The following FBXW7 variants were observed in gnomAD, a reference collection of about 807,000 sequenced individuals.
FBXW7 encodes F-box and WD repeat domain containing 7.
Under a neutral mutation model 86.3 loss-of-function variants are expected in FBXW7, and 11 were observed. That is an observed-to-expected ratio of 0.13 (90% CI 0.08 to 0.21). The LOEUF (loss-of-function observed/expected upper bound fraction) is 0.21. Ranked by LOEUF, FBXW7 falls within the 10% of genes least tolerant of loss-of-function variation. The pLI is 1.00. For missense variants in FBXW7, 488 were observed against 847.4 expected, an observed-to-expected ratio of 0.58 and a Z score of 5.27; for synonymous variants, 313 against 297.9, an observed-to-expected ratio of 1.05 and a Z score of -0.52.
intron 4 of FBXW7, among the ~76,000 whole-genome samples, chr4:152,388,136 A>G (rs1163485581): frequency 1.3e-5 from 2 of 152,190 alleles, no homozygotes; most frequent in Non-Finnish European, 2.9e-5. Flanking sequence ...ATGTTCTAAA[A>G]GATATTTATT....
intron 2 of FBXW7, among the ~76,000 whole-genome samples, chr4:152,480,979 G>A (rs1426743271): frequency 6.6e-6 from 1 of 152,196 alleles, no homozygotes; most frequent in Non-Finnish European, 1.5e-5. Flanking sequence ...ACTGATGAAG[G>A]TGGCTACACT....
intron 2 of FBXW7, among the ~76,000 whole-genome samples, chr4:152,521,541 C>A (rs2149731324): frequency 6.6e-6 from 1 of 152,260 alleles, no homozygotes; most frequent in South Asian, 2.1e-4. Flanking sequence ...GATATGACTT[C>A]CCAATTCTTC....
intron 2 of FBXW7, among the ~76,000 whole-genome samples, chr4:152,437,762 C>A (rs77482721): frequency 6.6e-6 from 1 of 152,222 alleles, no homozygotes; most frequent in Admixed American, 6.5e-5. Flanking sequence ...CACAGCCATT[C>A]CAACCCTCAG....
intron 4 of FBXW7, among the ~76,000 whole-genome samples, chr4:152,410,267 C>A (rs1737823118): frequency 6.6e-6 from 1 of 152,204 alleles, no homozygotes; most frequent in Non-Finnish European, 1.5e-5. Context: ...ATATAGCAAC[C>A]TTGAAGAAGA....
In FBXW7 at chr4:152,479,978, G is replaced by A. The variant is rs554010462; in HGVS notation, c.-120+54963C>T. 2.6e-5 allele frequency among the ~76,000 whole-genome samples: 4 copies of A among 152,228 alleles called. No individual in the cohort carries two copies. The East Asian group carries it at 7.7e-4, about 29-fold the overall frequency. ...AACACTGCTACTACAATTCTCTAAA[G>A]GAGGGCCTTCCTTTTCTTCTTATCT... On this transcript the variant is annotated intron_variant, in intron 2 of 13. Transcript: ENST00000281708.
At chr4:152,516,575 A>C (rs534324503) in intron 2 of FBXW7, among the ~76,000 whole-genome samples, 1 of 152,340 alleles carries the variant, frequency 6.6e-6, no homozygotes, top group African/African-American at 2.4e-5. Flanking sequence ...TTTAGATTTG[A>C]GGAAACATGG....
chr4:152,322,391 CT>C lies in FBXW7; in HGVS notation c.*489del, dbSNP rs1321135810. ...AACAATTCACAGTAATTTTTTTAAG[CT>C]TTTCCACTCCAGAAAAATGACTTTT... On this transcript the variant is annotated 3_prime_UTR_variant, in exon 14 of 14. Transcript: ENST00000281708. 4.5e-6 allele frequency: 1 copy of C among 221,700 alleles called. No individual in the cohort carries two copies. The highest frequency in any genetic ancestry group is 8.9e-6 in the Non-Finnish European group (1 of 112,168). 13.7% of individuals were successfully genotyped at this position (221,700 alleles called of 1,614,324 possible).
intron 2 of FBXW7, among the ~76,000 whole-genome samples, chr4:152,458,176 C>G (rs1471044431): frequency 1.3e-5 from 2 of 152,152 alleles, no homozygotes; most frequent in African/African-American, 2.4e-5. Flanking sequence ...CGCACCACCA[C>G]GCGCAGCTAA....
intron 6 of FBXW7, among the ~76,000 whole-genome samples, chr4:152,345,224 T>C (rs1731146884): frequency 6.6e-6 from 1 of 152,138 alleles, no homozygotes; most frequent in African/African-American, 2.4e-5. Flanking sequence ...AAATTTAGAA[T>C]TCTGAGGGTG....
chr4:152,377,684 G>T (rs1278882007), intron 4 of FBXW7, among the ~76,000 whole-genome samples: 1 of 149,814 alleles, frequency 6.7e-6, no homozygotes, highest in Non-Finnish European at 1.5e-5. Flanking sequence ...ATAATCGCTT[G>T]AACCTGGAAG....
At chr4:152,398,311 C>CT (rs1299361359) in intron 4 of FBXW7, among the ~76,000 whole-genome samples, 1 of 151,268 alleles carries the variant, frequency 6.6e-6, no homozygotes, top group Non-Finnish European at 1.5e-5. Context: ...GAATTGTGTG[C>CT]TTTTGATATG....
At chr4:152,510,738 T>C (rs951196921) in intron 2 of FBXW7, among the ~76,000 whole-genome samples, 4 of 152,218 alleles carry the variant, frequency 2.6e-5, no homozygotes, top group African/African-American at 9.6e-5. Flanking sequence ...ATGAGTTCAG[T>C]ACTCACTGAG....
chr4:152,503,902 T>C (rs1474724470), intron 2 of FBXW7, among the ~76,000 whole-genome samples: 1 of 152,164 alleles, frequency 6.6e-6, no homozygotes, highest in South Asian at 2.1e-4. Context: ...TTGTTCAGTA[T>C]GTACATGCCA....
intron 2 of FBXW7, among the ~76,000 whole-genome samples, chr4:152,487,916 T>C (rs1436657050): frequency 6.6e-6 from 1 of 152,064 alleles, no homozygotes; most frequent in African/African-American, 2.4e-5. Context: ...TGGTTCCTAT[T>C]TTAATCTTTA....
chr4:152,394,345 G>A (rs935604731), intron 4 of FBXW7, among the ~76,000 whole-genome samples: 2 of 152,042 alleles, frequency 1.3e-5, no homozygotes, highest in African/African-American at 4.8e-5. Context: ...CCTCTCTTCT[G>A]AACATTTTCA....
At chr4:152,345,902 A>C (rs1404965647) in intron 6 of FBXW7, among the ~76,000 whole-genome samples, 1 of 152,180 alleles carries the variant, frequency 6.6e-6, no homozygotes, top group Admixed American at 6.6e-5. Context: ...TTATTGCCTT[A>C]TGCATTGATT....
chr4:152,353,046 G>A, intron 4 of FBXW7: 1 of 1,140,764 alleles, frequency 8.8e-7, no homozygotes, highest in South Asian at 4.0e-5. Flanking sequence ...ACTTTCAAGA[G>A]GTTATTTTTG....
At chr4:152,392,749 C>T (rs945389729) in intron 4 of FBXW7, among the ~76,000 whole-genome samples, 5 of 152,024 alleles carry the variant, frequency 3.3e-5, no homozygotes, top group African/African-American at 1.2e-4. Context: ...GTTAATTTTA[C>T]AATGTAACAG....
At chr4:152,515,722 A>G (rs1454313235) in intron 2 of FBXW7, among the ~76,000 whole-genome samples, 1 of 151,768 alleles carries the variant, frequency 6.6e-6, no homozygotes, top group Admixed American at 6.6e-5. Flanking sequence ...TCTGAAGCAG[A>G]TATTGTGGCT....
Sources: allele counts gnomAD v4.1 joint callset (sites outside exome capture counted in the v4.1 genomes callset), GRCh38; gene constraint gnomAD v4.1.1; transcripts MANE v1.5; gene names NCBI Gene and HGNC (gene_info 2026-07-23, HGNC 2026-07-21).